ANK1: variants seen among roughly 807,000 people sequenced by gnomAD.
ANK1 encodes the protein ankyrin 1.
In ANK1, 51 loss-of-function variants were observed where a neutral mutation model predicts 210.4. That is an observed-to-expected ratio of 0.24 (90% CI 0.19 to 0.31). ANK1 has a LOEUF of 0.31. ANK1 is among the 10% of genes least tolerant of loss of function. The pLI is 1.00. For missense variants in ANK1, 2,051 were observed against 2,504.4 expected (o/e 0.82, Z 3.86); for synonymous variants, 967 against 1,025.9 (o/e 0.94, Z 1.10).
In ANK1 at chr8:41,873,489, C is replaced by T. The variant is rs1296796732; in HGVS notation, c.126+22866G>A. Among the ~76,000 whole-genome samples, 2 of 152,200 alleles carry T rather than the reference C, an allele frequency of 1.3e-5. 1 individual carries two copies. The highest frequency in any genetic ancestry group is 4.1e-4 in the South Asian group (2 of 4,830). On this transcript the variant is annotated intron_variant, in intron 1 of 42. Coordinates refer to the ANK1 transcript ENST00000265709. ...TATTATTAATCTTATCCCCATTTTG[C>T]AGACAAGAAACTGAGACTGAAAAGG...
At chr8:41,846,145 G>C (rs944771674) in intron 1 of ANK1, among the ~76,000 whole-genome samples, 2 of 152,192 alleles carry the variant, frequency 1.3e-5, no homozygotes, top group Non-Finnish European at 2.9e-5. Context: ...CAAACAAGAC[G>C]CCTCTGGCCA....
At chr8:41,801,975 T>A (rs1292026333), upstream of ANK1, among the ~76,000 whole-genome samples, 1 of 152,054 alleles carries the variant, frequency 6.6e-6, no homozygotes, top group Non-Finnish European at 1.5e-5. Flanking sequence ...TTTTATAGGG[T>A]TTTTGTTTTG....
At chr8:41,683,161 G>T (rs953420319) in intron 37 of ANK1, among the ~76,000 whole-genome samples, 5 of 152,246 alleles carry the variant, frequency 3.3e-5, no homozygotes, top group Non-Finnish European at 4.4e-5. Context: ...GAGATGCGTG[G>T]GGAGACAGGG....
chr8:41,848,878 G>T (rs1421889673), intron 1 of ANK1, among the ~76,000 whole-genome samples: 2 of 152,178 alleles, frequency 1.3e-5, no homozygotes, highest in African/African-American at 4.8e-5. Flanking sequence ...ATTCCCCACT[G>T]CAGGGAACGT....
chr8:41,680,003 T>C (rs1798678781), intron 37 of ANK1, among the ~76,000 whole-genome samples: 1 of 152,212 alleles, frequency 6.6e-6, no homozygotes, highest in African/African-American at 2.4e-5. Context: ...GTCCATTTTT[T>C]GGTCTGCAGT....
intron 1 of ANK1, among the ~76,000 whole-genome samples, chr8:41,769,420 G>A (rs915719769): frequency 6.6e-6 from 1 of 152,150 alleles, no homozygotes; most frequent in Admixed American, 6.6e-5. Flanking sequence ...ATTAATAAAT[G>A]ATGGTTACTG....
At chr8:41,680,215 G>GT (rs1338938067) in intron 37 of ANK1, among the ~76,000 whole-genome samples, 3 of 152,150 alleles carry the variant, frequency 2.0e-5, no homozygotes, top group Non-Finnish European at 4.4e-5. Context: ...CCTTTTGTGA[G>GT]TTTCCCACCT....
At chr8:41,855,029 C>T (rs1351411644) in intron 1 of ANK1, among the ~76,000 whole-genome samples, 1 of 151,952 alleles carries the variant, frequency 6.6e-6, no homozygotes, top group East Asian at 1.9e-4. Flanking sequence ...TCCCAAGATT[C>T]CCAGGTGATT....
At chr8:41,770,336 T>G (rs1359370466) in intron 1 of ANK1, among the ~76,000 whole-genome samples, 1 of 152,230 alleles carries the variant, frequency 6.6e-6, no homozygotes, top group Non-Finnish European at 1.5e-5. Context: ...ATTTTTAAGT[T>G]GGAATGTTTG....
chr8:41,823,358 AC>A (rs1383211075), intron 1 of ANK1, among the ~76,000 whole-genome samples: 13 of 152,254 alleles, frequency 8.5e-5, no homozygotes, highest in South Asian at 4.1e-4. Context: ...TCAACTTTCC[AC>A]CCTCCGCTTT....
chr8:41,798,207 C>G (rs552927424), upstream of ANK1, among the ~76,000 whole-genome samples: 29 of 152,126 alleles, frequency 1.9e-4, no homozygotes, highest in East Asian at 4.5e-3. Flanking sequence ...CCTCCGCCCC[C>G]CGGGGAGGCT....
At chr8:41,838,220 G>A (rs1002803012) in intron 1 of ANK1, among the ~76,000 whole-genome samples, 3 of 152,164 alleles carry the variant, frequency 2.0e-5, no homozygotes, top group Non-Finnish European at 4.4e-5. Flanking sequence ...TGGGGAAAGC[G>A]GGGCACAGAA....
chr8:41,663,312 T>G (rs932072191), intron 40 of ANK1, among the ~76,000 whole-genome samples: 2 of 152,100 alleles, frequency 1.3e-5, no homozygotes, highest in African/African-American at 4.8e-5. Flanking sequence ...AGGAGGCCCA[T>G]GGTAGGCCAG....
intron 37 of ANK1, 150 bp from the exon 38 acceptor site, chr8:41,673,062 C>T: frequency 1.2e-6 from 1 of 856,968 alleles, no homozygotes; most frequent in South Asian, 1.6e-5. Flanking sequence ...GCTTTCCAAG[C>T]TCCAGGCCCA....
At chr8:41,887,845 G>A (rs1818725524) in intron 1 of ANK1, among the ~76,000 whole-genome samples, 1 of 152,238 alleles carries the variant, frequency 6.6e-6, no homozygotes, top group Non-Finnish European at 1.5e-5. Context: ...TTTGGTGAAT[G>A]TAAAATACGT....
intron 1 of ANK1, among the ~76,000 whole-genome samples, chr8:41,776,839 G>T (rs1844154989): frequency 6.6e-6 from 1 of 152,198 alleles, no homozygotes; most frequent in Admixed American, 6.5e-5. Context: ...TTTCAACGGG[G>T]TGCTTAGCAG....
chr8:41,717,537 A>G, intron 12 of ANK1, 67 bp downstream of exon 12: 3 of 1,376,586 alleles, frequency 2.2e-6, no homozygotes, highest in Non-Finnish European at 3.0e-6. Flanking sequence ...GACTGGGAGC[A>G]CTGGTGAAAG....
chr8:41,667,391 G>T (rs1032104454), intron 39 of ANK1, among the ~76,000 whole-genome samples: 1 of 152,184 alleles, frequency 6.6e-6, no homozygotes, highest in African/African-American at 2.4e-5. Context: ...AGAACATGTC[G>T]TTCATGTACA....
At chr8:41,670,027 C>T (rs1811784385) in intron 38 of ANK1, among the ~76,000 whole-genome samples, 1 of 152,126 alleles carries the variant, frequency 6.6e-6, no homozygotes, top group South Asian at 2.1e-4. Flanking sequence ...CTCCCCTGGC[C>T]ACCCATCTGT....
Sources: gnomAD v4.1 joint callset for allele counts (sites outside exome capture counted in the v4.1 genomes callset) on GRCh38, gnomAD v4.1.1 for gene constraint, MANE v1.5 for transcripts, NCBI Gene and HGNC (gene_info 2026-07-23, HGNC 2026-07-21) for gene names.